Variants in CACNA1C observed in about 807,000 individuals in gnomAD.
CACNA1C encodes the protein calcium voltage-gated channel subunit alpha1 C.
Under a neutral mutation model 229.0 loss-of-function variants are expected in CACNA1C, and 30 were observed. That is an observed-to-expected ratio of 0.13 (90% CI 0.10 to 0.18). CACNA1C has a LOEUF of 0.18. Among genes scored for constraint, CACNA1C ranks in the 10% least tolerant of loss-of-function variants. The pLI, the probability that CACNA1C is intolerant of heterozygous loss-of-function variation, is 1.00. For missense variants in CACNA1C, 1,658 were observed against 2,845.0 expected (o/e 0.58, Z 9.49); for synonymous variants, 1,114 against 1,132.5 (o/e 0.98, Z 0.33).
chr12:2,466,030 C>T (rs1332657489), intron 5 of CACNA1C, among the ~76,000 whole-genome samples: 2 of 152,158 alleles, frequency 1.3e-5, no homozygotes, highest in East Asian at 3.9e-4. Flanking sequence ...AGTGCCAAGT[C>T]CCCAGGTGAA....
At chr12:2,358,254 T>TC in intron 3 of CACNA1C, among the ~76,000 whole-genome samples, 1 of 276 alleles carries the variant, frequency 3.6e-3, no homozygotes, top group East Asian at 0.25. Context: ...CGTCCTCCTG[T>TC]GTGTGTGTGT....
chr12:2,257,877 G>A (rs951054067), intron 3 of CACNA1C, among the ~76,000 whole-genome samples: 17 of 152,306 alleles, frequency 1.1e-4, no homozygotes, highest in African/African-American at 4.1e-4. Context: ...TTACTGTTAG[G>A]TTTAACCTTA....
intron 3 of CACNA1C, among the ~76,000 whole-genome samples, chr12:2,269,088 A>G (rs1362703479): frequency 6.6e-6 from 1 of 152,208 alleles, no homozygotes; most frequent in Non-Finnish European, 1.5e-5. Flanking sequence ...TAGCGGGCAC[A>G]TGATTAAATA....
At chr12:2,501,034 G>A (rs1359156664) in intron 7 of CACNA1C, among the ~76,000 whole-genome samples, 16 of 148,134 alleles carry the variant, frequency 1.1e-4, no homozygotes, top group African/African-American at 2.5e-4. Flanking sequence ...GTGAAACCCC[G>A]TCTCTACTTT....
chr12:2,587,665 C>T (rs540983883), intron 18 of CACNA1C, among the ~76,000 whole-genome samples: 3 of 152,288 alleles, frequency 2.0e-5, no homozygotes, highest in Non-Finnish European at 2.9e-5. Context: ...ATGCCTCTCA[C>T]GTAGCTACCC....
At chr12:2,079,633 A>G (rs1020078950) in intron 1 of CACNA1C, among the ~76,000 whole-genome samples, 3 of 152,168 alleles carry the variant, frequency 2.0e-5, no homozygotes, top group Non-Finnish European at 4.4e-5. Context: ...GCTTCAACAT[A>G]TAAATTTTGG....
chr12:2,288,509 A>G (rs912935949), intron 3 of CACNA1C, among the ~76,000 whole-genome samples: 6 of 152,186 alleles, frequency 3.9e-5, no homozygotes, highest in Non-Finnish European at 7.4e-5. Context: ...CAGCTTGTCC[A>G]TTAATGGGTT....
intron 3 of CACNA1C, among the ~76,000 whole-genome samples, chr12:2,178,175 T>C (rs751693524): frequency 3.3e-5 from 5 of 152,228 alleles, no homozygotes; most frequent in African/African-American, 4.8e-5. Flanking sequence ...GAAAGTTGCT[T>C]GCTGGGGAAG....
chr12:2,095,576 C>T (rs1022044183), intron 1 of CACNA1C, among the ~76,000 whole-genome samples: 3 of 152,202 alleles, frequency 2.0e-5, no homozygotes, highest in Non-Finnish European at 4.4e-5. Context: ...TGTAAGTGCC[C>T]TCGGCCCGAG....
intron 1 of CACNA1C, among the ~76,000 whole-genome samples, chr12:2,082,165 A>G (rs1233979141): frequency 1.3e-5 from 2 of 152,166 alleles, no homozygotes; most frequent in African/African-American, 2.4e-5. Context: ...TGCTCGTGTC[A>G]CATGTTAGAG....
At chr12:2,664,086 C>T (rs2095935305) in intron 34 of CACNA1C, among the ~76,000 whole-genome samples, 1 of 152,128 alleles carries the variant, frequency 6.6e-6, no homozygotes, top group Admixed American at 6.5e-5. Flanking sequence ...AAGAAGACAA[C>T]CTGAATCAAA....
At chr12:2,425,200 A>G (rs1040523357) in intron 3 of CACNA1C, among the ~76,000 whole-genome samples, 25 of 152,266 alleles carry the variant, frequency 1.6e-4, no homozygotes, top group Non-Finnish European at 3.4e-4. Context: ...CTAGAATGCT[A>G]TAAGGTTATT....
chr12:2,639,027 G>A lies in CACNA1C; in HGVS notation c.3912+4647G>A, dbSNP rs1255745469. Among the ~76,000 whole-genome samples the A allele has an allele frequency of 3.3e-5, 5 of 152,200 alleles. No individual in the cohort carries two copies. Among genetic ancestry groups the A allele is most frequent in the Non-Finnish European group, 5.9e-5 (4 of 68,038 alleles). The stretch of plus-strand genomic sequence containing the variant: ...CCAGGGCCTCTGGCGCGAGGAGATC[G>A]GGACCCGCAAACTTCTGTTCATCTG... On this transcript the variant is annotated intron_variant, in intron 30 of 46. Transcript: ENST00000399655. This position sits in a 1 kb window ranked among gnomAD's most constrained non-coding sequence, Gnocchi z 4.2.
chr12:2,276,806 A>T (rs2088356212), intron 3 of CACNA1C, among the ~76,000 whole-genome samples: 1 of 152,152 alleles, frequency 6.6e-6, no homozygotes, highest in Non-Finnish European at 1.5e-5. Flanking sequence ...GCTGGAGTGC[A>T]TTGGGATGAC....
chr12:1,985,071 G>T (rs1281505622), intron 1 of CACNA1C, among the ~76,000 whole-genome samples: 6 of 151,592 alleles, frequency 4.0e-5, no homozygotes, highest in African/African-American at 1.5e-4. Flanking sequence ...TCAGCAGTTT[G>T]ATTGTGACTG....
intron 3 of CACNA1C, among the ~76,000 whole-genome samples, chr12:2,434,517 T>G (rs1318451484): frequency 6.6e-6 from 1 of 152,206 alleles, no homozygotes; most frequent in East Asian, 1.9e-4. Context: ...ATTCTAAACT[T>G]GATTTGTCTC....
chr12:2,482,942 C>A (rs1394432383), intron 5 of CACNA1C, among the ~76,000 whole-genome samples: 1 of 152,210 alleles, frequency 6.6e-6, no homozygotes, highest in Non-Finnish European at 1.5e-5. Flanking sequence ...TGACAAAACA[C>A]CTTCAATTTC....
chr12:2,037,876 A>T (rs896615292), intron 1 of CACNA1C, among the ~76,000 whole-genome samples: 8 of 152,190 alleles, frequency 5.3e-5, no homozygotes, highest in Non-Finnish European at 8.8e-5. Context: ...GGGGATTCTT[A>T]TGCACATTTA....
intron 3 of CACNA1C, among the ~76,000 whole-genome samples, chr12:2,209,672 C>T (rs1459170626): frequency 6.6e-6 from 1 of 152,186 alleles, no homozygotes; most frequent in Non-Finnish European, 1.5e-5. Context: ...GGAAAATATT[C>T]ACAGAGGGAT....
Sources: gnomAD v4.1 joint callset for allele counts (sites outside exome capture counted in the v4.1 genomes callset) on GRCh38, gnomAD v4.1.1 for gene constraint, Gnocchi (gnomAD v3.1) non-coding constraint, MANE v1.5 for transcripts, NCBI Gene and HGNC (gene_info 2026-07-23, HGNC 2026-07-21) for gene names.